Variants in CDC123 observed in about 807,000 individuals in gnomAD.
CDC123 encodes cell division cycle 123, also known as translation initiation factor eIF2 assembly protein.
A neutral mutation model predicts 54.4 loss-of-function variants in CDC123; 37 were observed. That is an observed-to-expected ratio of 0.68 (90% confidence interval 0.52 to 0.89). CDC123 has a LOEUF of 0.89. Ranked by LOEUF, CDC123 falls within the 40% of genes least tolerant of loss-of-function variation. CDC123 has a pLI of 0.00. For missense variants in CDC123, 361 were observed against 412.1 expected (o/e 0.88, Z 1.07); for synonymous variants, 144 against 136.8 (o/e 1.05, Z -0.37).
At chr10:12,225,746 C>CTTTTTTTTTTTTTTTTTTTTTTT (rs60404885) in intron 6 of CDC123, among the ~76,000 whole-genome samples, 4 of 66,928 alleles carry the variant, frequency 6.0e-5, no homozygotes, top group African/African-American at 1.4e-4. Flanking sequence ...TAGCTTCTCT[C>CTTTTTTTTTTTTTTTTTTTTTTT]TTTTTTTTTT....
intron 6 of CDC123, among the ~76,000 whole-genome samples, chr10:12,223,430 C>T (rs997330797): frequency 5.9e-5 from 9 of 152,032 alleles, no homozygotes; most frequent in Admixed American, 1.3e-4. Context: ...GGACTGTAGG[C>T]GCACGCCACC....
chr10:12,239,737 G>C (rs1293858914), intron 10 of CDC123, among the ~76,000 whole-genome samples: 1 of 142,710 alleles, frequency 7.0e-6, no homozygotes, highest in African/African-American at 2.6e-5. Flanking sequence ...GGCCGGGCGC[G>C]GTGGCTCACA....
chr10:12,214,795 CT>C (rs377418376), intron 4 of CDC123, among the ~76,000 whole-genome samples: 4 of 149,602 alleles, frequency 2.7e-5, no homozygotes, highest in South Asian at 2.1e-4. Context: ...TGTAGTCTGT[CT>C]TTTTTTTTTC....
At chr10:12,225,213 G>A (rs1421799358) in intron 6 of CDC123, among the ~76,000 whole-genome samples, 1 of 152,058 alleles carries the variant, frequency 6.6e-6, no homozygotes, top group African/African-American at 2.4e-5. Context: ...TGACCAACTC[G>A]ATGAAACCCC....
At chr10:12,216,057 G>A (rs10508440) in intron 5 of CDC123, among the ~76,000 whole-genome samples, 21,393 of 152,126 alleles carry the variant, frequency 0.14, 1,786 homozygotes, top group Non-Finnish European at 0.19. Context: ...TAGTTTCCAC[G>A]TCTTGTGTTG....
chr10:12,225,878 C>T (rs1189137264), intron 6 of CDC123, among the ~76,000 whole-genome samples: 2 of 148,312 alleles, frequency 1.3e-5, no homozygotes. Flanking sequence ...GAACAAGGGT[C>T]TCTGGTTTTC....
At chr10:12,244,286 G>GA (rs1228734634) in intron 10 of CDC123, among the ~76,000 whole-genome samples, 1 of 152,130 alleles carries the variant, frequency 6.6e-6, no homozygotes, top group African/African-American at 2.4e-5. Flanking sequence ...CACATTTATA[G>GA]AAAAAAACAA....
chr10:12,221,498 A>T (rs1462003325), intron 6 of CDC123, among the ~76,000 whole-genome samples: 1 of 151,750 alleles, frequency 6.6e-6, no homozygotes, highest in Non-Finnish European at 1.5e-5. Flanking sequence ...CTCCTGGGAG[A>T]CTTCCTCTCA....
chr10:12,208,467 A>C (rs1023182811), intron 2 of CDC123, among the ~76,000 whole-genome samples: 11 of 152,272 alleles, frequency 7.2e-5, no homozygotes, highest in African/African-American at 2.6e-4. Context: ...GAGAAAGGCA[A>C]ATTTATTAGA....
At chr10:12,221,898 T>C (rs1025777356) in intron 6 of CDC123, among the ~76,000 whole-genome samples, 2 of 152,182 alleles carry the variant, frequency 1.3e-5, no homozygotes, top group Non-Finnish European at 2.9e-5. Flanking sequence ...AGCTAAAAGT[T>C]TGGACACCCC....
intron 6 of CDC123, among the ~76,000 whole-genome samples, chr10:12,218,360 C>T (rs1433296863): frequency 2.6e-5 from 4 of 151,242 alleles, no homozygotes; most frequent in Admixed American, 6.6e-5. Context: ...TTGCCTCAGC[C>T]TCCCAAGTAG....
chr10:12,227,724 C>A (rs1200090051), intron 6 of CDC123, among the ~76,000 whole-genome samples: 2 of 152,196 alleles, frequency 1.3e-5, no homozygotes, highest in East Asian at 3.9e-4. Flanking sequence ...TCTCAAACTC[C>A]TGACCTCGTG....
At chr10:12,224,883 G>A (rs111463643) in intron 6 of CDC123, among the ~76,000 whole-genome samples, 3,631 of 152,200 alleles carry the variant, frequency 0.024, 146 homozygotes, top group African/African-American at 0.083. Flanking sequence ...AGGGTAGCCA[G>A]ACTGAGTTTT....
At position 12,196,249 on chromosome 10, in the gene CDC123, A is replaced by C; in HGVS notation, c.4A>C (p.Lys2Gln). ...CAGCAGCGGCGGCAGCTGGAGGATG[A>C]AGAAGGAGCATGTGCTTCACTGCCA... is the stretch of plus-strand genomic sequence containing the variant. M[K>Q]KEHVLHCQFS... Residue 2 changes from lysine (K) to glutamine (Q), a missense_variant, in exon 1 of 13, where the codon AAG becomes CAG. Lys to Gln is a moderately conservative substitution (Grantham distance 53). Transcript: ENST00000281141. 1 of 1,613,886 alleles carries C rather than the reference A, an allele frequency of 6.2e-7. No individual in the cohort carries two copies. Among genetic ancestry groups the C allele is most frequent in the Non-Finnish European group, 8.5e-7 (1 of 1,179,880 alleles).
intron 2 of CDC123, among the ~76,000 whole-genome samples, chr10:12,206,927 C>G (rs180734638): frequency 1.4e-5 from 2 of 146,160 alleles, no homozygotes; most frequent in East Asian, 2.0e-4. Context: ...CCACTGCACT[C>G]CAGCGTGGGC....
chr10:12,233,003 T>C (rs1051708800), intron 7 of CDC123, among the ~76,000 whole-genome samples: 3 of 151,784 alleles, frequency 2.0e-5, no homozygotes, highest in Non-Finnish European at 2.9e-5. Context: ...TCGTGATCCG[T>C]CCGCCTCAGC....
intron 2 of CDC123, among the ~76,000 whole-genome samples, chr10:12,205,675 T>A (rs1395391358): frequency 6.6e-6 from 1 of 152,234 alleles, no homozygotes; most frequent in Non-Finnish European, 1.5e-5. Flanking sequence ...ACTGCTCTGG[T>A]GTGCCAGCTC....
intron 1 of CDC123, among the ~76,000 whole-genome samples, chr10:12,196,741 T>A (rs1835356690): frequency 6.6e-6 from 1 of 152,204 alleles, no homozygotes; most frequent in Admixed American, 6.5e-5. Flanking sequence ...AGATATGTCG[T>A]ACAGCATGGA....
rs934291789 is a variant in CDC123 at position 12,241,118 on chromosome 10, G to A, written c.717+2633G>A. On this transcript the variant is annotated intron_variant, in intron 10 of 12. Coordinates refer to ENST00000281141, the MANE Select transcript of CDC123 (RefSeq NM_006023.3). The stretch of plus-strand genomic sequence containing the variant: ...CACTCTTCAGGGTTTTTGGGGTTTC[G>A]TAGAGAAATGATGTTTCAGTATAAT... 2.6e-5 allele frequency among the ~76,000 whole-genome samples: 4 copies of A among 152,064 alleles called. No individual in the cohort carries two copies. The East Asian group carries it at 5.8e-4, about 22-fold the overall frequency.
Sources: gnomAD v4.1 joint callset for allele counts (sites outside exome capture counted in the v4.1 genomes callset) on GRCh38, gnomAD v4.1.1 for gene constraint, MANE v1.5 for transcripts, NCBI Gene and HGNC (gene_info 2026-07-23, HGNC 2026-07-21) for gene names.